The following ZNF251 variants were observed in gnomAD, a reference collection of about 807,000 sequenced individuals.
The protein encoded by ZNF251 is zinc finger protein 251.
In ZNF251, 14 loss-of-function variants were observed where a neutral mutation model predicts 13.5. The ratio of observed to expected loss-of-function variants is 1.04; its 90% CI spans 0.69 to 1.63. The LOEUF is 1.63. Among genes scored for constraint, ZNF251 ranks in the 40% most tolerant of loss-of-function variants. The probability of loss-of-function intolerance (pLI) is 0.00; values close to 1 mark genes in which losing one functional copy is unlikely to be tolerated. For missense variants in ZNF251, 764 were observed against 834.9 expected, an observed-to-expected ratio of 0.92 and a Z score of 1.05; for synonymous variants, 287 against 295.2, an observed-to-expected ratio of 0.97 and a Z score of 0.28.
At chr8:144,726,575 C>CT (rs532146567) in intron 4 of ZNF251, among the ~76,000 whole-genome samples, 15 of 151,626 alleles carry the variant, frequency 9.9e-5, no homozygotes, top group Non-Finnish European at 2.1e-4. Context: ...TATTAGAAAA[C>CT]TTAGCCAGGC....
At chr8:144,740,598 T>C (rs974177121) in intron 4 of ZNF251, among the ~76,000 whole-genome samples, 25 of 144,156 alleles carry the variant, frequency 1.7e-4, no homozygotes, top group African/African-American at 5.4e-4. Flanking sequence ...ATGGCACCAC[T>C]GCACTCCAGC....
At chr8:144,747,135 T>C (rs1322144769) in intron 4 of ZNF251, among the ~76,000 whole-genome samples, 1 of 152,236 alleles carries the variant, frequency 6.6e-6, no homozygotes, top group Non-Finnish European at 1.5e-5. Context: ...ATTCACAGCA[T>C]TCCACAAATT....
chr8:144,732,539 G>T (rs35635164), intron 4 of ZNF251, among the ~76,000 whole-genome samples: 3 of 152,120 alleles, frequency 2.0e-5, no homozygotes, highest in Non-Finnish European at 2.9e-5. Context: ...CAAGCCGGGC[G>T]CGGTGGCTCA....
intron 4 of ZNF251, among the ~76,000 whole-genome samples, chr8:144,735,483 G>A (rs952561460): frequency 3.3e-5 from 5 of 151,912 alleles, no homozygotes; most frequent in Admixed American, 1.3e-4. Flanking sequence ...CAGAGTTAGC[G>A]CTCACTCCCA....
Position 144,734,021 on chromosome 8 carries a change from C to T in ZNF251, c.278-10639G>A, listed in dbSNP as rs555713293. Among the ~76,000 whole-genome samples, 34 of 152,288 alleles carry T rather than the reference C, an allele frequency of 2.2e-4. No homozygotes were observed. The highest frequency in any genetic ancestry group is 1.0e-3 in the Admixed American group (16 of 15,292). ...GCAGCCGGCAGAATCTTAGGCTGCA[C>T]GTGCCAGATGCCTAAACTGTGCAGC... On this transcript the variant is annotated intron_variant, in intron 4 of 4. Coordinates refer to ENST00000292562, the MANE Select transcript of ZNF251 (RefSeq NM_138367.2). This position sits in a 1 kb window ranked among gnomAD's most constrained non-coding sequence, Gnocchi z 4.4.
chr8:144,752,811 T>C (rs1824758727), intron 4 of ZNF251, among the ~76,000 whole-genome samples: 1 of 152,146 alleles, frequency 6.6e-6, no homozygotes, highest in Non-Finnish European at 1.5e-5. Context: ...TTATATGTTC[T>C]GACAGTGTAG....
chr8:144,744,849 A>G (rs1171022074), intron 4 of ZNF251, among the ~76,000 whole-genome samples: 2 of 152,230 alleles, frequency 1.3e-5, no homozygotes, highest in Non-Finnish European at 2.9e-5. Flanking sequence ...TGAGGTCAGC[A>G]GTTCGAGACC....
intron 4 of ZNF251, among the ~76,000 whole-genome samples, chr8:144,745,496 T>C (rs1824380717): frequency 6.6e-6 from 1 of 152,170 alleles, no homozygotes; most frequent in Non-Finnish European, 1.5e-5. Context: ...CTTTTACCTC[T>C]CCTTATAAAC....
At chr8:144,731,462 GCATTT>G (rs1395630388) in intron 4 of ZNF251, among the ~76,000 whole-genome samples, 1 of 152,138 alleles carries the variant, frequency 6.6e-6, no homozygotes, top group Admixed American at 6.6e-5. Context: ...TAAGATTTGT[GCATTT>G]CATTTATATA....
Position 144,723,283 on chromosome 8 carries a change from T to C in ZNF251, c.377A>G (p.Asp126Gly), listed in dbSNP as rs778500449. ...PEFVSRRLLRDNAQAAEFREA... is the reference protein window; with the variant it reads ...PEFVSRRLLRGNAQAAEFREA... The stretch of plus-strand genomic sequence containing the variant: ...CCGAAACTCAGCGGCCTGTGCATTA[T>C]CCCTTAAGAGTCTTCTTGATACAAA... The change falls in exon 5 of 5, where the codon GAT becomes GGT. Residue 126 changes from aspartate to glycine, a missense_variant. Asp to Gly is a moderately conservative substitution (Grantham distance 94, BLOSUM62 -1). Transcript: ENST00000292562. The C allele has an allele frequency of 1.9e-6, 3 of 1,607,660 alleles. No homozygotes were observed. Among genetic ancestry groups the C allele is most frequent in the Non-Finnish European group, 2.5e-6 (3 of 1,177,742 alleles).
chr8:144,721,550 C>G lies in ZNF251; in HGVS notation c.*94G>C. 1.7e-6 allele frequency: 2 copies of G among 1,184,318 alleles called. No homozygotes were observed. Among genetic ancestry groups the G allele is most frequent in the Non-Finnish European group, 2.1e-6 (2 of 931,512 alleles). The allele number at this position is 1,184,318 out of a possible 1,614,324, so 73.4% of individuals were successfully genotyped here. A position where few individuals can be genotyped will look rare whatever the true frequency, so the allele number is the denominator to read the frequency against. On this transcript the variant is annotated 3_prime_UTR_variant, in exon 5 of 5. Transcript: ENST00000292562. Reference sequence around the variant, plus strand: ...ATCTGAACTATTTATTTTACTTTGCCAGTAATATTTAGACCTTATATATCT... The same window carrying G: ...ATCTGAACTATTTATTTTACTTTGCGAGTAATATTTAGACCTTATATATCT...
intron 4 of ZNF251, among the ~76,000 whole-genome samples, chr8:144,751,172 G>A (rs1206376180): frequency 1.3e-5 from 2 of 152,146 alleles, no homozygotes; most frequent in African/African-American, 4.8e-5. Context: ...TTTGAGAGCA[G>A]TGATTTGTCC....
chr8:144,723,113 A>G lies in ZNF251; in HGVS notation c.547T>C (p.Cys183Arg). 2 of 1,613,572 alleles carry G rather than the reference A, an allele frequency of 1.2e-6. No individual in the cohort carries two copies. The highest frequency in any genetic ancestry group is 1.7e-6 in the Non-Finnish European group (2 of 1,179,788). Residue 183 changes from cysteine to arginine, a missense_variant, in exon 5 of 5, where the codon TGT (cysteine) becomes CGT (arginine). Coordinates refer to ENST00000292562, the MANE Select transcript of ZNF251 (RefSeq NM_138367.2). ...ERSLGERTQE[C>R]SAFDRNLNLD... ...TTCAAGTTTCTATCAAATGCACTAC[A>G]CTCTTGGGTTCTTTCTCCCAAAGAT...
chr8:144,737,545 G>A (rs749651369), intron 4 of ZNF251, among the ~76,000 whole-genome samples: 2 of 151,212 alleles, frequency 1.3e-5, no homozygotes, highest in Admixed American at 6.6e-5. Context: ...AACCAGCTAC[G>A]AGGCTGGGCG....
intron 4 of ZNF251, among the ~76,000 whole-genome samples, chr8:144,737,622 G>T (rs1823956577): frequency 6.6e-6 from 1 of 151,996 alleles, no homozygotes; most frequent in African/African-American, 2.4e-5. Flanking sequence ...CACAAGGTCA[G>T]GAGATCGAGA....
intron 4 of ZNF251, among the ~76,000 whole-genome samples, chr8:144,740,076 C>T (rs1460315818): frequency 1.4e-5 from 2 of 145,194 alleles, no homozygotes; most frequent in South Asian, 2.2e-4. Flanking sequence ...ACCTGAGGTC[C>T]GGAGTTCGAG....
intron 4 of ZNF251, among the ~76,000 whole-genome samples, chr8:144,728,880 G>A (rs935128335): frequency 1.3e-5 from 2 of 151,770 alleles, no homozygotes; most frequent in Non-Finnish European, 2.9e-5. Flanking sequence ...CCTGAGGTCA[G>A]AAGTTTGAGA....
chr8:144,742,119 G>C (rs975758405), intron 4 of ZNF251, among the ~76,000 whole-genome samples: 1 of 151,922 alleles, frequency 6.6e-6, no homozygotes, highest in Non-Finnish European at 1.5e-5. Context: ...GACACACCAC[G>C]AGCCAGTGAT....
intron 4 of ZNF251, among the ~76,000 whole-genome samples, chr8:144,750,513 T>C (rs532132407): frequency 1.4e-4 from 22 of 152,152 alleles, no homozygotes; most frequent in Non-Finnish European, 2.6e-4. Context: ...CCTGGTAAAA[T>C]TGTTTCTCCT....
Sources: allele counts gnomAD v4.1 joint callset (sites outside exome capture counted in the v4.1 genomes callset), GRCh38; gene constraint gnomAD v4.1.1; non-coding constraint Gnocchi (gnomAD v3.1); transcripts MANE v1.5; gene names NCBI Gene and HGNC (gene_info 2026-07-23, HGNC 2026-07-21).